The following SUPT3H variants were observed in gnomAD, a reference collection of about 807,000 sequenced individuals.
The protein encoded by SUPT3H is SPT3 homolog, SAGA and STAGA complex component.
A neutral mutation model predicts 44.3 loss-of-function variants in SUPT3H; 44 were observed. The ratio of observed to expected loss-of-function variants is 0.99; its 90% confidence interval spans 0.78 to 1.28. The LOEUF is 1.28. Among genes scored for constraint, SUPT3H ranks in the 50% most tolerant of loss-of-function variants. The pLI is 0.00. For missense variants in SUPT3H, 380 were observed against 387.1 expected, an observed-to-expected ratio of 0.98 and a Z score of 0.15; for synonymous variants, 124 against 125.6, an observed-to-expected ratio of 0.99 and a Z score of 0.09.
Position 45,213,197 on chromosome 6 carries a change from G to A in SUPT3H, c.102-107191C>T, listed in dbSNP as rs138593684. ...TTGAGCTTCTCACCACAGGAAGTGCGCCTGGAAGAGTTTGAGTATGCATTG... is the reference window on the plus strand; with the variant it reads ...TTGAGCTTCTCACCACAGGAAGTGCACCTGGAAGAGTTTGAGTATGCATTG... On this transcript the variant is annotated intron_variant, in intron 2 of 10. Coordinates refer to ENST00000371459, the MANE Select transcript of SUPT3H (RefSeq NM_003599.4). Among the ~76,000 whole-genome samples, 293 of 152,254 alleles carry A rather than the reference G, an allele frequency of 1.9e-3. 2 individuals carry two copies. Among genetic ancestry groups the A allele is most frequent in the African/African-American group, 6.7e-3 (279 of 41,534 alleles).
chr6:45,291,150 G>C (rs1780253740), intron 2 of SUPT3H, among the ~76,000 whole-genome samples: 1 of 152,148 alleles, frequency 6.6e-6, no homozygotes, highest in Admixed American at 6.5e-5. Context: ...TGCAATACCA[G>C]CCCAGAGCCT....
At chr6:44,978,442 C>T (rs947161015) in intron 6 of SUPT3H, among the ~76,000 whole-genome samples, 2 of 151,976 alleles carry the variant, frequency 1.3e-5, no homozygotes, top group African/African-American at 4.8e-5. Flanking sequence ...ATGCTCTGGT[C>T]ATAATACCAT....
intron 10 of SUPT3H, among the ~76,000 whole-genome samples, chr6:44,882,234 C>T (rs1382787289): frequency 6.6e-6 from 1 of 152,096 alleles, no homozygotes; most frequent in Non-Finnish European, 1.5e-5. Flanking sequence ...ATACAAACTA[C>T]CATCAGAGAA....
chr6:44,980,853 CAA>C (rs982625993), intron 6 of SUPT3H, among the ~76,000 whole-genome samples: 1 of 152,116 alleles, frequency 6.6e-6, no homozygotes, highest in African/African-American at 2.4e-5. Flanking sequence ...AAGGAGAAGG[CAA>C]AGTTAAGTCA....
intron 2 of SUPT3H, among the ~76,000 whole-genome samples, chr6:45,352,678 A>G (rs1362076622): frequency 6.6e-6 from 1 of 152,182 alleles, no homozygotes; most frequent in Non-Finnish European, 1.5e-5. Context: ...TATTCTGTTT[A>G]TAAGTAGTCA....
intron 10 of SUPT3H, among the ~76,000 whole-genome samples, chr6:44,883,141 C>A (rs1778527463): frequency 6.6e-6 from 1 of 152,190 alleles, no homozygotes; most frequent in Non-Finnish European, 1.5e-5. Flanking sequence ...AAAACTCAAT[C>A]ATCTCAGCCC....
At chr6:45,231,954 ATC>A (rs1367913030) in intron 2 of SUPT3H, among the ~76,000 whole-genome samples, 4 of 152,102 alleles carry the variant, frequency 2.6e-5, no homozygotes, top group Admixed American at 6.5e-5. Context: ...ATTTATGATT[ATC>A]TGTTTGATAA....
intron 10 of SUPT3H, among the ~76,000 whole-genome samples, chr6:44,883,840 C>A (rs532944503): frequency 2.0e-5 from 3 of 152,156 alleles, no homozygotes; most frequent in African/African-American, 7.2e-5. Flanking sequence ...GAAACTGGAC[C>A]CCTTCCTTAC....
chr6:45,219,808 A>G lies in SUPT3H; in HGVS notation c.102-113802T>C, dbSNP rs140359363. Among the ~76,000 whole-genome samples, 391 of 152,160 alleles carry G rather than the reference A, an allele frequency of 2.6e-3. 3 individuals carry two copies. The highest frequency in any genetic ancestry group is 8.6e-3 in the African/African-American group (357 of 41,516). Reference sequence around the variant, plus strand: ...GTAATCCCAGCACTTTGGGAGGCCGAGGTGGGTGGATCACGAGGTCAGGAG... The same window carrying G: ...GTAATCCCAGCACTTTGGGAGGCCGGGGTGGGTGGATCACGAGGTCAGGAG... On this transcript the variant is annotated intron_variant, in intron 2 of 10. Coordinates refer to ENST00000371459, the MANE Select transcript of SUPT3H (RefSeq NM_003599.4).
rs148372495 is a variant in SUPT3H, at chr6:45,231,080, T to G, written c.102-125074A>C. ...TTGTTTAGTTGTTTTGAATATTCTT[T>G]GTTCCTTTCTTATTTTCTGATTGAT... On this transcript the variant is annotated intron_variant, in intron 2 of 10. Coordinates refer to ENST00000371459, the MANE Select transcript of SUPT3H (RefSeq NM_003599.4). 5.9e-3 allele frequency among the ~76,000 whole-genome samples: 904 copies of G among 152,306 alleles called. 9 individuals carry two copies. Among genetic ancestry groups the G allele is most frequent in the Non-Finnish European group, 8.9e-3 (608 of 68,026 alleles).
intron 3 of SUPT3H, among the ~76,000 whole-genome samples, chr6:45,030,866 C>A (rs866074920): frequency 5.9e-5 from 9 of 152,228 alleles, no homozygotes; most frequent in Non-Finnish European, 1.0e-4. Context: ...GATCTAAGAA[C>A]CTGATCCATG....
intron 1 of SUPT3H, among the ~76,000 whole-genome samples, 151 bp downstream of exon 1, chr6:45,377,617 A>G (rs985643395): frequency 6.6e-6 from 1 of 151,980 alleles, no homozygotes. Context: ...GGCGTAGACC[A>G]CGAAGACCCA....
intron 10 of SUPT3H, among the ~76,000 whole-genome samples, chr6:44,907,065 A>G (rs1429232769): frequency 1.3e-5 from 2 of 152,226 alleles, no homozygotes; most frequent in South Asian, 2.1e-4. Context: ...AAACCAAATG[A>G]CACTAGTTAT....
At chr6:45,014,696 A>G (rs1783982549) in intron 5 of SUPT3H, 105 bp downstream of exon 5, 19 of 676,820 alleles carry the variant, frequency 2.8e-5, no homozygotes, top group Non-Finnish European at 6.8e-6. Flanking sequence ...TTGACAGTAA[A>G]CAAAATTAAC....
intron 2 of SUPT3H, among the ~76,000 whole-genome samples, chr6:45,231,443 T>A (rs1768031758): frequency 6.6e-6 from 1 of 152,204 alleles, no homozygotes; most frequent in African/African-American, 2.4e-5. Context: ...CCTGTAAGGT[T>A]TCTACTGAGA....
At chr6:45,340,728 G>C (rs1454812197) in intron 2 of SUPT3H, among the ~76,000 whole-genome samples, 2 of 152,050 alleles carry the variant, frequency 1.3e-5, no homozygotes, top group Non-Finnish European at 2.9e-5. Context: ...TATACTCTAT[G>C]TGATATAAAA....
chr6:45,019,649 A>G (rs1784827132), intron 4 of SUPT3H, among the ~76,000 whole-genome samples: 1 of 151,958 alleles, frequency 6.6e-6, no homozygotes, highest in African/African-American at 2.4e-5. Context: ...AGTTCTTTAG[A>G]TGCACATTAT....
At chr6:45,369,601 T>C (rs1795706709) in intron 1 of SUPT3H, among the ~76,000 whole-genome samples, 1 of 152,032 alleles carries the variant, frequency 6.6e-6, no homozygotes, top group Non-Finnish European at 1.5e-5. Context: ...CCTCCCTTAA[T>C]TCCCTCCTCT....
chr6:45,311,669 C>A (rs1381095175), intron 2 of SUPT3H, among the ~76,000 whole-genome samples: 8 of 152,116 alleles, frequency 5.3e-5, no homozygotes, highest in Non-Finnish European at 1.2e-4. Context: ...TCAACCTCCT[C>A]AAACAAAACA....
Sources: allele counts gnomAD v4.1 joint callset (sites outside exome capture counted in the v4.1 genomes callset), GRCh38; gene constraint gnomAD v4.1.1; transcripts MANE v1.5; gene names NCBI Gene and HGNC (gene_info 2026-07-23, HGNC 2026-07-21).